The following NLGN4X variants were observed in gnomAD, a reference collection of about 807,000 sequenced individuals.
The protein encoded by NLGN4X is neuroligin 4 X-linked.
NLGN4X carries 3 observed loss-of-function variants against 40.3 expected under a neutral mutation model. That is an observed-to-expected ratio of 0.07 (90% CI 0.03 to 0.19). NLGN4X has a LOEUF of 0.19. NLGN4X is among the 10% of genes least tolerant of loss of function. The pLI is 1.00. For synonymous variants in NLGN4X, 270 were observed against 306.8 expected (o/e 0.88, Z 1.25); for missense variants, 382 against 708.3 (o/e 0.54, Z 5.23).
chrX:5,933,380 G>C (rs918993962), intron 3 of NLGN4X, among the ~76,000 whole-genome samples: 1 of 111,230 alleles, frequency 9.0e-6, no homozygotes, highest in Non-Finnish European at 1.9e-5. Flanking sequence ...AATAGCACTA[G>C]GGGTGGGACT....
At chrX:5,978,320 CTTTCTTTCTTTCTTTCT>C (rs1569164932) in intron 3 of NLGN4X, among the ~76,000 whole-genome samples, 3 of 91,200 alleles carry the variant, frequency 3.3e-5, no homozygotes, top group South Asian at 5.2e-4. Flanking sequence ...TTCTTTCTTT[CTTTCTTTCTTTCTTTCT>C]TTCTTTCCCT....
In NLGN4X at chrX:6,106,730, G is replaced by A. The variant is rs1007855854; in HGVS notation, c.472+44265C>T. On this transcript the variant is annotated intron_variant, in intron 2 of 5. Coordinates refer to ENST00000381095, the MANE Select transcript of NLGN4X (RefSeq NM_181332.3). ...TTAATAGCTCATTTCTTTATAGCAT[G>A]GAATAATATTCCATTGTCTGAATAC... Among the ~76,000 whole-genome samples the A allele has an allele frequency of 2.7e-5, 3 of 111,712 alleles. No homozygotes were observed. The South Asian group carries it at 1.1e-3, about 42-fold the overall frequency.
intron 2 of NLGN4X, among the ~76,000 whole-genome samples, chrX:6,074,412 T>C (rs1271939714): frequency 9.0e-6 from 1 of 111,657 alleles, no homozygotes; most frequent in Non-Finnish European, 1.9e-5. Context: ...CAGGTCTTTA[T>C]GGTTTCTCCT....
At chrX:6,115,905 C>T (rs1178588466) in intron 2 of NLGN4X, among the ~76,000 whole-genome samples, 2 of 111,432 alleles carry the variant, frequency 1.8e-5, no homozygotes, top group Non-Finnish European at 3.8e-5. Context: ...AATTCTCCAG[C>T]TTTATCATGC....
chrX:5,945,260 G>T (rs1288180375), intron 3 of NLGN4X, among the ~76,000 whole-genome samples: 1 of 111,299 alleles, frequency 9.0e-6, no homozygotes, highest in Non-Finnish European at 1.9e-5. Context: ...AGATGGATGG[G>T]ACAGGTCAGT....
chrX:6,022,356 CATAAG>C (rs2036579787), intron 3 of NLGN4X, among the ~76,000 whole-genome samples: 1 of 111,875 alleles, frequency 8.9e-6, no homozygotes, highest in Admixed American at 9.5e-5. Flanking sequence ...TGACTTGATA[CATAAG>C]ATGTGTTCCA....
intron 2 of NLGN4X, among the ~76,000 whole-genome samples, chrX:6,031,802 T>A (rs913858894): frequency 2.0e-5 from 2 of 99,714 alleles, no homozygotes; most frequent in Non-Finnish European, 4.1e-5. Flanking sequence ...AAAAAAAAAA[T>A]CATTTCTTGT....
chrX:6,157,229 GAAGTTTAA>G (rs1276951074), intron 1 of NLGN4X, among the ~76,000 whole-genome samples: 1 of 111,694 alleles, frequency 9.0e-6, no homozygotes, highest in East Asian at 2.8e-4. Flanking sequence ...TTCTTCCACT[GAAGTTTAA>G]TGGGTCAGGA....
At chrX:6,091,946 TTC>T (rs1197829167) in intron 2 of NLGN4X, among the ~76,000 whole-genome samples, 1 of 109,312 alleles carries the variant, frequency 9.1e-6, no homozygotes, top group Non-Finnish European at 1.9e-5. Context: ...CTTCCTCCCT[TTC>T]TTTTTTTACT....
intron 3 of NLGN4X, among the ~76,000 whole-genome samples, chrX:5,952,638 T>C (rs754891526): frequency 1.0e-3 from 112 of 111,409 alleles, no homozygotes; most frequent in African/African-American, 3.6e-3. Flanking sequence ...GCTAAATTTG[T>C]TCACCAATAT....
chrX:5,978,272 T>TTTC (rs2035244588), intron 3 of NLGN4X, among the ~76,000 whole-genome samples: 2 of 20,328 alleles, frequency 9.8e-5, no homozygotes, highest in African/African-American at 4.0e-4. Flanking sequence ...GCGTCTCTTT[T>TTTC]TTTCTTTCTT....
At chrX:6,219,304 T>C (rs1925395486) in intron 1 of NLGN4X, among the ~76,000 whole-genome samples, 1 of 106,708 alleles carries the variant, frequency 9.4e-6, no homozygotes, top group Non-Finnish European at 1.9e-5. Context: ...AAACCACAGC[T>C]TCCTTCCCTC....
intron 2 of NLGN4X, among the ~76,000 whole-genome samples, chrX:6,116,598 T>C (rs1191602012): frequency 1.3e-5 from 1 of 76,009 alleles, no homozygotes; most frequent in Non-Finnish European, 2.6e-5. Context: ...TTCAAGTGAT[T>C]CTTCTACCTC....
At chrX:6,063,410 G>A (rs776876102) in intron 2 of NLGN4X, among the ~76,000 whole-genome samples, 1 of 111,958 alleles carries the variant, frequency 8.9e-6, no homozygotes, top group Non-Finnish European at 1.9e-5. Context: ...GCTTGAGCCC[G>A]GGAGTTGGAG....
chrX:6,077,270 T>TG (rs756129730), intron 2 of NLGN4X, among the ~76,000 whole-genome samples: 20,858 of 77,941 alleles, frequency 0.27, 1,782 homozygotes, highest in Admixed American at 0.32. Flanking sequence ...AAATTTTATT[T>TG]TGTGTGTGTG....
In NLGN4X at chrX:5,903,388, C is replaced by T; in HGVS notation, c.1290G>A (p.Lys430=). ...IKFMYTDWAD[K]ENPETRRKTL... ...TTTTCCGCCGCGTCTCCGGGTTTTC[C>T]TTATCGGCCCAGTCTGTGTACATGA... The change falls in exon 5 of 6, where the codon AAG becomes AAA. Residue 430 remains lysine (K), a synonymous_variant. Transcript: ENST00000381095. The T allele has an allele frequency of 4.1e-6, 5 of 1,211,014 alleles. No individual in the cohort carries two copies. Among genetic ancestry groups the T allele is most frequent in the Non-Finnish European group, 5.6e-6 (5 of 895,143 alleles).
chrX:6,075,403 T>C (rs1421585867), intron 2 of NLGN4X, among the ~76,000 whole-genome samples: 2 of 111,787 alleles, frequency 1.8e-5, no homozygotes, highest in Non-Finnish European at 3.8e-5. Flanking sequence ...CAGTAAGGCA[T>C]AAAAGCAAAA....
At chrX:6,103,820 G>T (rs1043310665) in intron 2 of NLGN4X, among the ~76,000 whole-genome samples, 2 of 112,248 alleles carry the variant, frequency 1.8e-5, no homozygotes, top group Non-Finnish European at 3.8e-5. Flanking sequence ...ATAGTCACTA[G>T]TTCGATGTTG....
chrX:6,161,078 T>C (rs1357406656), intron 1 of NLGN4X, among the ~76,000 whole-genome samples: 4 of 90,442 alleles, frequency 4.4e-5, no homozygotes, highest in Non-Finnish European at 8.2e-5. Flanking sequence ...TATTATTCTA[T>C]ATATAATATA....
Sources: gnomAD v4.1 joint callset for allele counts (sites outside exome capture counted in the v4.1 genomes callset) on GRCh38, gnomAD v4.1.1 for gene constraint, MANE v1.5 for transcripts, NCBI Gene and HGNC (gene_info 2026-07-23, HGNC 2026-07-21) for gene names.